The following DIS3L2 variants were observed in gnomAD, a reference collection of about 807,000 sequenced individuals.
DIS3L2 encodes the protein DIS3 like 3'-5' exoribonuclease 2, also known as DIS3-like exonuclease 2.
DIS3L2 carries 34 observed loss-of-function variants against 97.5 expected under a neutral mutation model. The ratio of observed to expected loss-of-function variants is 0.35; its 90% CI spans 0.27 to 0.46. DIS3L2 has a LOEUF of 0.46. DIS3L2 is among the 20% of genes least tolerant of loss of function. The pLI is 1.00. For synonymous variants in DIS3L2, 435 were observed against 445.2 expected (o/e 0.98, Z 0.29); for missense variants, 1,038 against 1,146.0 (o/e 0.91, Z 1.36).
At chr2:232,143,415 T>G (rs2106361204) in intron 8 of DIS3L2, among the ~76,000 whole-genome samples, 1 of 152,238 alleles carries the variant, frequency 6.6e-6, no homozygotes, top group African/African-American at 2.4e-5. Context: ...TGAAGAAAAA[T>G]TGAAGTGGTG....
chr2:232,074,634 G>A (rs1334209443), intron 5 of DIS3L2, among the ~76,000 whole-genome samples: 3 of 133,908 alleles, frequency 2.2e-5, no homozygotes, highest in Non-Finnish European at 3.1e-5. Context: ...GGTTCACCAC[G>A]TGAGCAGTGA....
chr2:232,284,070 T>G (rs1286066794), intron 13 of DIS3L2, among the ~76,000 whole-genome samples: 1 of 152,196 alleles, frequency 6.6e-6, no homozygotes, highest in Non-Finnish European at 1.5e-5. Flanking sequence ...GTTGTTTTTT[T>G]TTTAATTCCT....
At chr2:232,060,988 T>C (rs547166893) in intron 5 of DIS3L2, among the ~76,000 whole-genome samples, 1 of 147,978 alleles carries the variant, frequency 6.8e-6, no homozygotes, top group South Asian at 2.1e-4. Context: ...AATGCTGCTG[T>C]ATGTTGATTT....
At chr2:232,018,652 CT>C (rs1559545740) in intron 3 of DIS3L2, among the ~76,000 whole-genome samples, 2 of 151,784 alleles carry the variant, frequency 1.3e-5, no homozygotes, top group Admixed American at 1.3e-4. Context: ...CTTTTGACCT[CT>C]TTTTTTTCTC....
chr2:232,288,514 C>G (rs1694507426), intron 13 of DIS3L2, among the ~76,000 whole-genome samples: 1 of 152,166 alleles, frequency 6.6e-6, no homozygotes, highest in Non-Finnish European at 1.5e-5. Flanking sequence ...CCATCGGAAC[C>G]CCACCACCAA....
chr2:232,252,531 AAGG>A (rs1485818019), intron 12 of DIS3L2, among the ~76,000 whole-genome samples: 2 of 152,096 alleles, frequency 1.3e-5, no homozygotes, highest in African/African-American at 2.4e-5. Context: ...CTGGAAAAGA[AAGG>A]AGCATTTTAA....
intron 5 of DIS3L2, among the ~76,000 whole-genome samples, chr2:232,081,450 A>T (rs1456833741): frequency 6.6e-6 from 1 of 151,898 alleles, no homozygotes; most frequent in Non-Finnish European, 1.5e-5. Context: ...TGAATCCATT[A>T]TTCAGTAGGG....
At chr2:232,337,967 A>T (rs1056496428), downstream of DIS3L2, among the ~76,000 whole-genome samples, 2 of 149,830 alleles carry the variant, frequency 1.3e-5, no homozygotes, top group Admixed American at 1.3e-4. Context: ...CACCCCCGAG[A>T]TGTCCCAGAG....
At chr2:232,318,237 T>G (rs1337784430) in intron 14 of DIS3L2, among the ~76,000 whole-genome samples, 1 of 152,230 alleles carries the variant, frequency 6.6e-6, no homozygotes, top group African/African-American at 2.4e-5. Context: ...CAGAATTGTG[T>G]TCTGTGCCAC....
chr2:232,080,827 G>A lies in DIS3L2; in HGVS notation c.367-6660G>A, dbSNP rs140312837. ...GAAGTGGGAGGATCTCTTGAGCCTG[G>A]GAGGTGGAGGTTGCAGTGAGCCAAG... is the stretch of plus-strand genomic sequence containing the variant. On this transcript the variant is annotated intron_variant, in intron 5 of 20. Coordinates refer to ENST00000325385, the MANE Select transcript of DIS3L2 (RefSeq NM_152383.5). 3.7e-3 allele frequency among the ~76,000 whole-genome samples: 568 copies of A among 151,748 alleles called. 7 individuals carry two copies. The highest frequency in any genetic ancestry group is 0.013 in the African/African-American group (555 of 41,260).
intron 6 of DIS3L2, among the ~76,000 whole-genome samples, chr2:232,127,700 C>T (rs1411332716): frequency 1.3e-5 from 2 of 152,198 alleles, no homozygotes; most frequent in Non-Finnish European, 2.9e-5. Flanking sequence ...CATCTCTAGC[C>T]ATGCCCATTC....
At chr2:232,225,070 A>G (rs1201744893) in intron 10 of DIS3L2, among the ~76,000 whole-genome samples, 1 of 152,202 alleles carries the variant, frequency 6.6e-6, no homozygotes, top group Non-Finnish European at 1.5e-5. Context: ...TCCCACCACA[A>G]TAGCTAAAAG....
At chr2:232,148,282 C>G (rs907499324) in intron 8 of DIS3L2, among the ~76,000 whole-genome samples, 1 of 152,014 alleles carries the variant, frequency 6.6e-6, no homozygotes, top group Non-Finnish European at 1.5e-5. Flanking sequence ...CTCTTGACTT[C>G]GTGATCCACC....
intron 16 of DIS3L2, 29 bp downstream of exon 16, chr2:232,330,805 T>C (rs1320486988): frequency 9.4e-6 from 15 of 1,600,014 alleles, no homozygotes; most frequent in Non-Finnish European, 1.2e-5. Flanking sequence ...CGGCCTCCCC[T>C]GCTCCCAGGA....
chr2:231,989,700 G>T (rs1559519998), intron 1 of DIS3L2, among the ~76,000 whole-genome samples: 2 of 152,170 alleles, frequency 1.3e-5, no homozygotes, highest in South Asian at 4.2e-4. Context: ...GTGGGGTGTG[G>T]TGGTATACGC....
chr2:231,992,057 G>T (rs902451916), intron 1 of DIS3L2, among the ~76,000 whole-genome samples: 20 of 152,278 alleles, frequency 1.3e-4, no homozygotes, highest in African/African-American at 4.6e-4. Flanking sequence ...TGTATTGAGG[G>T]ATGAGGACTG....
Position 232,336,551 on chromosome 2 carries a change from C to T in DIS3L2, c.2579C>T (p.Pro860Leu). The T allele has an allele frequency of 1.2e-6, 2 of 1,609,864 alleles. No individual in the cohort carries two copies. The highest frequency in any genetic ancestry group is 1.7e-6 in the Non-Finnish European group (2 of 1,179,944). Residue 860 changes from proline to leucine, a missense_variant, in exon 21 of 21, where the codon CCA becomes CTA. Pro to Leu is a moderately conservative substitution (Grantham distance 98). Coordinates refer to ENST00000325385, the MANE Select transcript of DIS3L2 (RefSeq NM_152383.5). ...ALKYSAILKR[P>L]GTQGHLGPEK... The stretch of plus-strand genomic sequence containing the variant: ...AAGTACAGCGCCATCCTGAAGCGGC[C>T]AGGCACCCAGGGCCACCTGGGCCCT...
chr2:232,275,102 T>A (rs934328610), intron 13 of DIS3L2, among the ~76,000 whole-genome samples: 7 of 152,098 alleles, frequency 4.6e-5, no homozygotes, highest in Admixed American at 4.6e-4. Flanking sequence ...GGCCTCCATT[T>A]GATCCCCGCA....
At chr2:232,216,417 C>G (rs1021569229) in intron 10 of DIS3L2, among the ~76,000 whole-genome samples, 2 of 152,220 alleles carry the variant, frequency 1.3e-5, no homozygotes, top group African/African-American at 4.8e-5. Context: ...CAGTGCCCCT[C>G]TCATGCTCTA....
Sources: gnomAD v4.1 joint callset for allele counts (sites outside exome capture counted in the v4.1 genomes callset) on GRCh38, gnomAD v4.1.1 for gene constraint, MANE v1.5 for transcripts, NCBI Gene and HGNC (gene_info 2026-07-23, HGNC 2026-07-21) for gene names.